Variants in GRM8 observed in about 807,000 individuals in gnomAD.
GRM8 encodes metabotropic glutamate receptor 8.
GRM8 carries 47 observed loss-of-function variants against 87.2 expected under a neutral mutation model. That is an observed-to-expected ratio of 0.54 (90% confidence interval 0.43 to 0.69). The LOEUF (loss-of-function observed/expected upper bound fraction) is 0.69, where lower values mean the gene tolerates loss of function less well. Ranked by LOEUF, GRM8 falls within the 30% of genes least tolerant of loss-of-function variation. GRM8 has a pLI of 0.00. For missense variants in GRM8, 1,019 were observed against 1,139.2 expected, an observed-to-expected ratio of 0.89 and a Z score of 1.52; for synonymous variants, 396 against 404.5, an observed-to-expected ratio of 0.98 and a Z score of 0.25.
chr7:127,202,504 C>G (rs1046932233), intron 2 of GRM8, among the ~76,000 whole-genome samples: 1 of 152,130 alleles, frequency 6.6e-6, no homozygotes, highest in African/African-American at 2.4e-5. Flanking sequence ...ATGCATTCTA[C>G]GTATTTACAA....
intron 2 of GRM8, among the ~76,000 whole-genome samples, chr7:127,223,927 A>C (rs1369593291): frequency 1.3e-5 from 2 of 151,882 alleles, no homozygotes; most frequent in African/African-American, 2.4e-5. Context: ...AAAAAAAAAA[A>C]AAAACTCAAT....
rs889656705 is a variant in GRM8, at chr7:126,561,327, C to T, written c.1495-27440G>A. 9.9e-5 allele frequency among the ~76,000 whole-genome samples: 15 copies of T among 152,068 alleles called. No individual in the cohort carries two copies. In the South Asian group the frequency reaches 2.1e-3, roughly 21 times the overall value. On this transcript the variant is annotated intron_variant, in intron 8 of 10. Transcript: ENST00000339582. ...CTCCACTAAAAATATAAAAATTAGCCGGGCGTGGTGGCTCGTGCCTGTGGT... is the reference window on the plus strand; with the variant it reads ...CTCCACTAAAAATATAAAAATTAGCTGGGCGTGGTGGCTCGTGCCTGTGGT...
intron 2 of GRM8, among the ~76,000 whole-genome samples, chr7:127,131,360 G>C (rs1827675392): frequency 6.6e-6 from 1 of 152,168 alleles, no homozygotes; most frequent in Non-Finnish European, 1.5e-5. Context: ...TATGACCTTT[G>C]GGATGATTAG....
chr7:126,790,862 C>A (rs78737424), intron 6 of GRM8, among the ~76,000 whole-genome samples: 2,479 of 152,238 alleles, frequency 0.016, 74 homozygotes, highest in African/African-American at 0.056. Context: ...ATCCAGGGCT[C>A]TGGGTAGGAT....
At chr7:126,461,623 C>T (rs2150521561) in intron 9 of GRM8, among the ~76,000 whole-genome samples, 1 of 151,774 alleles carries the variant, frequency 6.6e-6, no homozygotes, top group South Asian at 2.1e-4. Context: ...TTCAACTCTA[C>T]ATCCTCTTTC....
chr7:126,896,495 C>G (rs1563292481), intron 6 of GRM8, among the ~76,000 whole-genome samples: 1 of 152,092 alleles, frequency 6.6e-6, no homozygotes, highest in Non-Finnish European at 1.5e-5. Context: ...TGACTACCTA[C>G]TTCCTTCATA....
intron 3 of GRM8, among the ~76,000 whole-genome samples, chr7:127,053,613 C>T (rs1274698953): frequency 2.6e-5 from 4 of 151,964 alleles, no homozygotes; most frequent in African/African-American, 9.7e-5. Context: ...CATGGAGAAA[C>T]CCCGTCTCTC....
intron 9 of GRM8, among the ~76,000 whole-genome samples, chr7:126,525,003 T>C (rs1293743123): frequency 1.3e-5 from 2 of 152,230 alleles, no homozygotes; most frequent in African/African-American, 4.8e-5. Context: ...CTGTTTTGTT[T>C]CTTTTTTAGT....
intron 3 of GRM8, among the ~76,000 whole-genome samples, chr7:126,966,920 C>T (rs1028274156): frequency 2.0e-5 from 3 of 152,158 alleles, no homozygotes; most frequent in African/African-American, 4.8e-5. Flanking sequence ...GAAGGTGAAG[C>T]ACCCATTGTT....
intron 10 of GRM8, 36 bp downstream of exon 10, chr7:126,446,090 C>A (rs199813417): frequency 1.6e-4 from 255 of 1,611,372 alleles, no homozygotes; most frequent in Non-Finnish European, 2.1e-4. Flanking sequence ...GAAGTGCTCC[C>A]GCTCTTGACC....
At chr7:126,832,604 G>A (rs1795497224) in intron 6 of GRM8, among the ~76,000 whole-genome samples, 1 of 152,122 alleles carries the variant, frequency 6.6e-6, no homozygotes, top group South Asian at 2.1e-4. Context: ...ATCAAACATA[G>A]TCATAGTACT....
At chr7:127,221,795 C>T (rs1046857322) in intron 2 of GRM8, among the ~76,000 whole-genome samples, 1 of 152,106 alleles carries the variant, frequency 6.6e-6, no homozygotes, top group African/African-American at 2.4e-5. Flanking sequence ...TTATCCAGAG[C>T]CCATCAACAT....
At chr7:126,752,846 AC>A in intron 7 of GRM8, among the ~76,000 whole-genome samples, 2 of 151,966 alleles carry the variant, frequency 1.3e-5, no homozygotes, top group South Asian at 4.2e-4. Flanking sequence ...TGACTTCCCT[AC>A]CTAATTAGTC....
At chr7:126,574,344 A>G (rs1794935668) in intron 8 of GRM8, among the ~76,000 whole-genome samples, 2 of 152,230 alleles carry the variant, frequency 1.3e-5, no homozygotes, top group South Asian at 4.1e-4. Context: ...GGAATATAAT[A>G]CAGCTCTTAG....
At chr7:127,040,366 C>T (rs892476239) in intron 3 of GRM8, among the ~76,000 whole-genome samples, 1 of 152,118 alleles carries the variant, frequency 6.6e-6, no homozygotes, top group Non-Finnish European at 1.5e-5. Flanking sequence ...TCACTGTGGA[C>T]AGTGCCCAGC....
intron 2 of GRM8, among the ~76,000 whole-genome samples, chr7:127,223,121 A>G (rs1441989650): frequency 6.6e-6 from 1 of 152,132 alleles, no homozygotes; most frequent in African/African-American, 2.4e-5. Flanking sequence ...CTAAAAACTG[A>G]GCATTAGATC....
chr7:127,091,386 T>A (rs563889385), intron 3 of GRM8, among the ~76,000 whole-genome samples: 2 of 126,142 alleles, frequency 1.6e-5, no homozygotes, highest in East Asian at 4.9e-4. Context: ...CCCATCCCAC[T>A]GGTCATCCCC....
At chr7:126,756,103 C>T (rs190698353) in intron 7 of GRM8, among the ~76,000 whole-genome samples, 213 of 151,902 alleles carry the variant, frequency 1.4e-3, no homozygotes, top group African/African-American at 5.1e-3. Flanking sequence ...CTTTTCATGA[C>T]ATTTGAACAA....
intron 2 of GRM8, among the ~76,000 whole-genome samples, chr7:127,225,600 G>A (rs892183170): frequency 1.3e-5 from 2 of 151,242 alleles, no homozygotes; most frequent in African/African-American, 4.9e-5. Flanking sequence ...TAAATGAGCT[G>A]GGTACAAATC....
Sources: gnomAD v4.1 joint callset for allele counts (sites outside exome capture counted in the v4.1 genomes callset) on GRCh38, gnomAD v4.1.1 for gene constraint, MANE v1.5 for transcripts, NCBI Gene and HGNC (gene_info 2026-07-23, HGNC 2026-07-21) for gene names.